The following HUWE1 variants were observed in gnomAD, a reference collection of about 807,000 sequenced individuals.
HUWE1 encodes the protein E3 ubiquitin-protein ligase HUWE1.
A neutral mutation model predicts 299.4 loss-of-function variants in HUWE1; 18 were observed. The ratio of observed to expected loss-of-function variants is 0.06; its 90% CI spans 0.04 to 0.09. The LOEUF (loss-of-function observed/expected upper bound fraction) is 0.09. Among genes scored for constraint, HUWE1 ranks in the 10% least tolerant of loss-of-function variants. The pLI, the probability that HUWE1 is intolerant of heterozygous loss-of-function variation, is 1.00. For missense variants in HUWE1, 1,832 were observed against 3,462.3 expected (o/e 0.53, Z 11.82); for synonymous variants, 1,317 against 1,286.1 (o/e 1.02, Z -0.51).
chrX:53,623,203 A>AT (rs2066256821), intron 19 of HUWE1, among the ~76,000 whole-genome samples: 1 of 110,852 alleles, frequency 9.0e-6, no homozygotes, highest in Admixed American at 9.6e-5. Context: ...CTTTTAAACA[A>AT]TATCCCTGTC....
At position 53,583,933 on chromosome X, in the gene HUWE1, T is replaced by TG; in HGVS notation, c.5162-18_5162-17insC. On this transcript the variant is annotated splice_polypyrimidine_tract_variant and intron_variant, in intron 41 of 83. Coordinates refer to ENST00000262854, the MANE Select transcript of HUWE1 (RefSeq NM_031407.7). ...AAGGGGTATCTATAAAATGGGAAAA[T>TG]AACAGTTTTAGACAGTTTAACTTGA... 8.8e-7 allele frequency: 1 copy of TG among 1,131,816 alleles called. No individual in the cohort carries two copies. The highest frequency in any genetic ancestry group is 1.2e-6 in the Non-Finnish European group (1 of 823,655). 93.3% of individuals were successfully genotyped at this position (1,131,816 alleles called of 1,213,427 possible).
At chrX:53,659,814 A>G (rs2068913463) in intron 3 of HUWE1, among the ~76,000 whole-genome samples, 1 of 111,717 alleles carries the variant, frequency 9.0e-6, no homozygotes, top group South Asian at 3.8e-4. Context: ...AAATTTCTGT[A>G]CCTTCTGCTC....
chrX:53,655,249 G>C (rs1008688052), intron 3 of HUWE1, among the ~76,000 whole-genome samples: 3 of 109,918 alleles, frequency 2.7e-5, no homozygotes, highest in African/African-American at 1.0e-4. Context: ...CCCCGAGAAG[G>C]CTGCCATAAT....
chrX:53,586,045 A>C (rs1317960683), intron 39 of HUWE1, among the ~76,000 whole-genome samples: 1 of 112,285 alleles, frequency 8.9e-6, no homozygotes, highest in Non-Finnish European at 1.9e-5. Flanking sequence ...AAACGGACTA[A>C]GATACTTTTC....
intron 76 of HUWE1, 77 bp from the exon 77 acceptor site, chrX:53,538,531 C>T: frequency 2.9e-6 from 2 of 695,620 alleles, no homozygotes; most frequent in South Asian, 2.3e-5. Context: ...CAGCTAGCAA[C>T]TCTCTCTTCC....
In HUWE1 at chrX:53,629,630, A is replaced by C. The variant is rs200202938; in HGVS notation, c.863-14T>G. ...CATTGGAATACACTGCAAAAGGAGAAACAAACACTTTAGGCAAGAAGGCAG... is the reference window on the plus strand; with the variant it reads ...CATTGGAATACACTGCAAAAGGAGACACAAACACTTTAGGCAAGAAGGCAG... On this transcript the variant is annotated splice_polypyrimidine_tract_variant and intron_variant, in intron 12 of 83. Coordinates refer to ENST00000262854, the MANE Select transcript of HUWE1 (RefSeq NM_031407.7). 1.8e-6 allele frequency: 2 copies of C among 1,084,067 alleles called. No homozygotes were observed. Among genetic ancestry groups the C allele is most frequent in the Non-Finnish European group, 2.6e-6 (2 of 780,645 alleles). The allele number at this position is 1,084,067 out of a possible 1,213,427, so 89.3% of individuals were successfully genotyped here.
intron 33 of HUWE1, among the ~76,000 whole-genome samples, chrX:53,591,407 T>G (rs1392379773): frequency 9.0e-6 from 1 of 111,498 alleles, no homozygotes; most frequent in Non-Finnish European, 1.9e-5. Flanking sequence ...GTTATTATAA[T>G]TAAAAGATTG....
At chrX:53,593,695 C>T (rs2064284372) in intron 31 of HUWE1, 94 bp from the exon 32 acceptor site, 1 of 592,040 alleles carries the variant, frequency 1.7e-6, no homozygotes, top group Non-Finnish European at 2.9e-6. Context: ...CTATATTGGC[C>T]CTACACGTCC....
chrX:53,563,692 C>CTCTT, intron 52 of HUWE1, 54 bp downstream of exon 52: 1 of 1,176,949 alleles, frequency 8.5e-7, no homozygotes, highest in Non-Finnish European at 1.1e-6. Context: ...AAAGGGTCCT[C>CTCTT]CCAAGAGAGA....
chrX:53,574,002 T>C (rs1406927571), intron 46 of HUWE1, 38 bp from the exon 47 acceptor site: 2 of 1,091,945 alleles, frequency 1.8e-6, no homozygotes, highest in Non-Finnish European at 2.5e-6. Context: ...AATTCCACAC[T>C]GGAACACTGG....
chrX:53,619,842 C>T (rs146940398), intron 19 of HUWE1, among the ~76,000 whole-genome samples: 1,254 of 111,742 alleles, frequency 0.011, 23 homozygotes, highest in African/African-American at 0.039. Context: ...GGCAGAAGGT[C>T]ATCACAGTCC....
intron 3 of HUWE1, among the ~76,000 whole-genome samples, chrX:53,657,866 G>T (rs782643074): frequency 1.8e-5 from 2 of 108,528 alleles, no homozygotes; most frequent in East Asian, 5.8e-4. Context: ...TGGCTAACAC[G>T]GTGAAACCCC....
intron 3 of HUWE1, among the ~76,000 whole-genome samples, chrX:53,658,874 C>T (rs2068869474): frequency 8.9e-6 from 1 of 112,743 alleles, no homozygotes; most frequent in African/African-American, 3.2e-5. Flanking sequence ...AGTAAGAAAA[C>T]AAGCTGATTT....
intron 3 of HUWE1, among the ~76,000 whole-genome samples, chrX:53,661,133 C>A (rs1279684904): frequency 1.9e-5 from 2 of 107,008 alleles, no homozygotes; most frequent in African/African-American, 6.9e-5. Flanking sequence ...CTCCCGGGTT[C>A]ACGCCATTCT....
intron 17 of HUWE1, among the ~76,000 whole-genome samples, chrX:53,626,216 CGTGTGTGT>C (rs58080331): frequency 0.053 from 4,983 of 94,238 alleles, 103 homozygotes; most frequent in Non-Finnish European, 0.069. Flanking sequence ...CATACATACA[CGTGTGTGT>C]GTGTGTGTGT....
At chrX:53,674,173 T>C (rs1158996487) in intron 3 of HUWE1, among the ~76,000 whole-genome samples, 2 of 111,911 alleles carry the variant, frequency 1.8e-5, no homozygotes, top group Non-Finnish European at 3.8e-5. Context: ...AGTGGACGTT[T>C]TTAGTTTCCT....
At chrX:53,547,540 G>T (rs1445416035) in intron 68 of HUWE1, 133 bp downstream of exon 68, 13 of 990,992 alleles carry the variant, frequency 1.3e-5, no homozygotes, top group Non-Finnish European at 1.6e-5. Flanking sequence ...GGGTGAGAAT[G>T]AACACATTCT....
intron 7 of HUWE1, among the ~76,000 whole-genome samples, chrX:53,635,554 G>A (rs1569503788): frequency 8.9e-6 from 1 of 112,023 alleles, no homozygotes; most frequent in Non-Finnish European, 1.9e-5. Flanking sequence ...CTGGCCTCAA[G>A]TGATCCTTCT....
intron 7 of HUWE1, among the ~76,000 whole-genome samples, chrX:53,636,756 T>G (rs1331170385): frequency 8.9e-6 from 1 of 111,973 alleles, no homozygotes; most frequent in Non-Finnish European, 1.9e-5. Flanking sequence ...TATGGCCAAA[T>G]AGTCACGTAT....
Sources: allele counts gnomAD v4.1 joint callset (sites outside exome capture counted in the v4.1 genomes callset), GRCh38; gene constraint gnomAD v4.1.1; transcripts MANE v1.5; gene names NCBI Gene and HGNC (gene_info 2026-07-23, HGNC 2026-07-21).